The following PAIP1 variants were observed in gnomAD, a reference collection of about 807,000 sequenced individuals.
The protein encoded by PAIP1 is poly(A) binding protein interacting protein 1.
A neutral mutation model predicts 61.3 loss-of-function variants in PAIP1; 16 were observed. The ratio of observed to expected loss-of-function variants is 0.26; its 90% CI spans 0.18 to 0.40. PAIP1 has a LOEUF of 0.40. Ranked by LOEUF, PAIP1 falls within the 10% of genes least tolerant of loss-of-function variation. The pLI, the probability that PAIP1 is intolerant of heterozygous loss-of-function variation, is 1.00. For synonymous variants in PAIP1, 187 were observed against 226.2 expected, an observed-to-expected ratio of 0.83 and a Z score of 1.56; for missense variants, 416 against 600.9, an observed-to-expected ratio of 0.69 and a Z score of 3.22.
At chr5:43,530,271 A>G (rs1400376324) in intron 9 of PAIP1, among the ~76,000 whole-genome samples, 2 of 152,240 alleles carry the variant, frequency 1.3e-5, no homozygotes, top group African/African-American at 2.4e-5. Flanking sequence ...TTAACCTACC[A>G]AAAGTTTTAA....
chr5:43,531,254 A>G (rs1438887318), intron 9 of PAIP1, among the ~76,000 whole-genome samples: 1 of 151,930 alleles, frequency 6.6e-6, no homozygotes, highest in African/African-American at 2.4e-5. Context: ...GGCTCCTGGC[A>G]GAAGGAAATA....
chr5:43,544,042 C>G (rs575328368), intron 3 of PAIP1, among the ~76,000 whole-genome samples: 1 of 149,482 alleles, frequency 6.7e-6, no homozygotes, highest in South Asian at 2.1e-4. Flanking sequence ...ACTCTGGAGG[C>G]TGAGGTGGAA....
chr5:43,529,158 T>TAC (rs1746834059), intron 10 of PAIP1, among the ~76,000 whole-genome samples: 1 of 147,924 alleles, frequency 6.8e-6, no homozygotes, highest in Non-Finnish European at 1.5e-5. Context: ...CAACAGGTAC[T>TAC]ACTATTCTTA....
chr5:43,535,004 C>T (rs1747088549), intron 7 of PAIP1, 34 bp from the exon 8 acceptor site: 1 of 1,142,028 alleles, frequency 8.8e-7, no homozygotes, highest in African/African-American at 1.5e-5. Flanking sequence ...TTAGTGTATC[C>T]ACCATAAGGG....
chr5:43,534,095 A>G (rs1747051722), intron 8 of PAIP1, among the ~76,000 whole-genome samples: 1 of 151,978 alleles, frequency 6.6e-6, no homozygotes, highest in Non-Finnish European at 1.5e-5. Context: ...CAACCCCACC[A>G]TTTCTTTTAA....
At chr5:43,533,377 T>C (rs1305754252) in intron 9 of PAIP1, among the ~76,000 whole-genome samples, 1 of 152,258 alleles carries the variant, frequency 6.6e-6, no homozygotes, top group Admixed American at 6.5e-5. Flanking sequence ...TTAATATATG[T>C]TGCTGACTAT....
chr5:43,530,315 G>T (rs1353540426), intron 9 of PAIP1, among the ~76,000 whole-genome samples: 12 of 152,206 alleles, frequency 7.9e-5, no homozygotes, highest in Non-Finnish European at 1.5e-4. Context: ...TCTTCCCAGA[G>T]AGATGGGGAA....
At chr5:43,547,342 AT>A (rs1195394113) in intron 3 of PAIP1, among the ~76,000 whole-genome samples, 1 of 152,152 alleles carries the variant, frequency 6.6e-6, no homozygotes, top group Non-Finnish European at 1.5e-5. Flanking sequence ...GGGGAAAAGA[AT>A]TGCAGTCTTT....
At position 43,538,979 on chromosome 5, in the gene PAIP1, C is replaced by A; in HGVS notation, c.791G>T (p.Arg264Leu). The A allele has an allele frequency of 6.2e-7, 1 of 1,611,770 alleles. No homozygotes were observed. The highest frequency in any genetic ancestry group is 8.5e-7 in the Non-Finnish European group (1 of 1,178,826). ...DQAAKGDEVT[R>L]KRFHAFVLFL... The stretch of plus-strand genomic sequence containing the variant: ...GAGTACAAATGCATGAAATCGTTTT[C>A]GAGTAACTTCATCCCCTTTTGCAGC... The change falls in exon 5 of 11, where the codon CGA becomes CTA. Residue 264 changes from arginine (R) to leucine (L), a missense_variant. Arg to Leu is a moderately radical substitution (Grantham distance 102). This residue lies in a region of PAIP1 where 135 missense variants were observed against 283.9 expected (regional missense o/e 0.48). Transcript: ENST00000306846.
chr5:43,531,484 TAA>T (rs61298106), intron 9 of PAIP1, among the ~76,000 whole-genome samples: 154 of 123,404 alleles, frequency 1.2e-3, no homozygotes, highest in Non-Finnish European at 1.4e-3. Flanking sequence ...CCTGTCTCAA[TAA>T]AAAAAAAAAA....
At chr5:43,557,270 G>C (rs947917465), upstream of PAIP1, 1 of 156,590 alleles carries the variant, frequency 6.4e-6, no homozygotes, top group African/African-American at 2.4e-5. Flanking sequence ...AGCCAGGCTC[G>C]GGCAGGGGCA....
intron 2 of PAIP1, among the ~76,000 whole-genome samples, chr5:43,552,130 A>G (rs1050050615): frequency 6.6e-6 from 1 of 152,220 alleles, no homozygotes; most frequent in African/African-American, 2.4e-5. Context: ...ATGAGAACCT[A>G]TTACAGAACC....
rs1014742658 is a variant in PAIP1, at chr5:43,556,802, C to T, written c.45G>A (p.Arg15=). The T allele has an allele frequency of 4.8e-6, 7 of 1,452,568 alleles. No individual in the cohort carries two copies. Among genetic ancestry groups the T allele is most frequent in the Non-Finnish European group, 6.3e-6 (7 of 1,105,768 alleles). 90.0% of individuals were successfully genotyped at this position (1,452,568 alleles called of 1,614,324 possible). A position where few individuals can be genotyped will look rare whatever the true frequency, so the allele number is the denominator to read the frequency against. The change falls in exon 1 of 11, where the codon CGG becomes CGA. Residue 15 remains arginine (R), a synonymous_variant. Transcript: ENST00000306846. Reference sequence around the variant, plus strand: ...CCCCTCCGCGGCCCAGGCCCCGGCTCCGGCCCCGACCAGCACCTGGGGCCC... The same window carrying T: ...CCCCTCCGCGGCCCAGGCCCCGGCTTCGGCCCCGACCAGCACCTGGGGCCC... ...FDRAPGAGRG[R]SRGLGRGGGG... is the part of the protein sequence containing the mutation.
Position 43,556,624 on chromosome 5 carries a change from G to A in PAIP1, c.223C>T (p.Pro75Ser). ...TPPPGAQCEV[P>S]ASPQRPSRPG... ...CGGGAAGGCCGCTGGGGGCTGGCGG[G>A]GACCTCGCACTGGGCCCCTGGCGGC... is the stretch of plus-strand genomic sequence containing the variant. Residue 75 changes from proline (P) to serine (S), a missense_variant, in exon 1 of 11, where the codon CCC becomes TCC. Physicochemically the swap from Pro to Ser is moderately conservative, Grantham distance 74. Around this residue, in one of 4 missense-constraint regions of PAIP1, gnomAD observed 180 missense variants for 211.2 expected, o/e 0.85. Transcript: ENST00000306846. 3.2e-6 allele frequency: 4 copies of A among 1,259,112 alleles called. No homozygotes were observed. Among genetic ancestry groups the A allele is most frequent in the Non-Finnish European group, 4.0e-6 (4 of 999,866 alleles). 78.0% of individuals were successfully genotyped at this position (1,259,112 alleles called of 1,614,324 possible). A position where few individuals can be genotyped will look rare whatever the true frequency, so the allele number is the denominator to read the frequency against.
intron 3 of PAIP1, among the ~76,000 whole-genome samples, chr5:43,543,807 A>ATTG (rs1747520259): frequency 1.3e-5 from 2 of 152,182 alleles, no homozygotes. Flanking sequence ...ATAGTAGAGA[A>ATTG]CATAGTTTAC....
chr5:43,555,528 G>C (rs1748024796), intron 2 of PAIP1, among the ~76,000 whole-genome samples: 1 of 152,190 alleles, frequency 6.6e-6, no homozygotes, highest in South Asian at 2.1e-4. Flanking sequence ...AACCCCGTAG[G>C]ACATTTCTGC....
In PAIP1 at chr5:43,529,948, A is replaced by C. The variant is rs556508447; in HGVS notation, c.1253-69T>G. The C allele has an allele frequency of 8.7e-5, 66 of 762,500 alleles. No individual in the cohort carries two copies. In the African/African-American group the frequency reaches 1.1e-3, roughly 12 times the overall value. 47.2% of individuals were successfully genotyped at this position (762,500 alleles called of 1,614,324 possible). ...CACATGAAATGACCAATCACCCCTA[A>C]ATGTTTTTTAATATTATGACTTTTG... On this transcript the variant is annotated intron_variant, in intron 9 of 10. Coordinates refer to ENST00000306846, the MANE Select transcript of PAIP1 (RefSeq NM_006451.5).
chr5:43,550,121 T>C (rs1747804541), intron 2 of PAIP1, among the ~76,000 whole-genome samples: 3 of 152,300 alleles, frequency 2.0e-5, no homozygotes, highest in Admixed American at 6.5e-5. Flanking sequence ...AGCAGATTCA[T>C]GTGCCTTTTT....
chr5:43,552,890 C>A (rs879911457), intron 2 of PAIP1, among the ~76,000 whole-genome samples: 6 of 151,962 alleles, frequency 3.9e-5, no homozygotes, highest in African/African-American at 1.5e-4. Context: ...ATTTAAAAAT[C>A]GGAAGAACAT....
Sources: allele counts gnomAD v4.1 joint callset (sites outside exome capture counted in the v4.1 genomes callset), GRCh38; gene constraint gnomAD v4.1.1; regional missense constraint gnomAD v4.1.1; transcripts MANE v1.5; gene names NCBI Gene and HGNC (gene_info 2026-07-23, HGNC 2026-07-21).